QTMAN: variants seen among roughly 807,000 people sequenced by gnomAD.
QTMAN encodes the protein queuosine-tRNA mannosyltransferase.
At chr2:144,050,681 T>C in the QTMAN span, among the ~76,000 whole-genome samples, 1 of 152,204 alleles carries the variant, frequency 6.6e-6, no homozygotes, top group East Asian at 1.9e-4. Context: ...ACAGTTTACC[T>C]AATTCTTATA....
chr2:144,017,576 C>A, the QTMAN span, among the ~76,000 whole-genome samples: 6 of 152,126 alleles, frequency 3.9e-5, no homozygotes, highest in African/African-American at 1.2e-4. Context: ...AAATTAAGGG[C>A]TCTGTCACTT....
the QTMAN span, chr2:143,945,229 ACACC>A: frequency 6.6e-6 from 1 of 152,178 alleles, no homozygotes; most frequent in South Asian, 2.1e-4. Context: ...CCAAAGGAAC[ACACC>A]TGCTAGATTC....
chr2:144,031,670 A>G, the QTMAN span, among the ~76,000 whole-genome samples: 1 of 152,236 alleles, frequency 6.6e-6, no homozygotes, highest in Non-Finnish European at 1.5e-5. Context: ...AAGTCTGTAC[A>G]TCAAAGTTTG....
chr2:144,238,828 ACT>A, the QTMAN span, among the ~76,000 whole-genome samples: 7 of 152,116 alleles, frequency 4.6e-5, no homozygotes, highest in Non-Finnish European at 4.4e-5. Flanking sequence ...CTTAGCCATC[ACT>A]CTACCAAAAC....
the QTMAN span, among the ~76,000 whole-genome samples, chr2:144,124,703 T>C: frequency 1.3e-5 from 2 of 152,136 alleles, no homozygotes; most frequent in South Asian, 4.1e-4. Flanking sequence ...CTTGATTTAG[T>C]AACAGGTTTC....
At chr2:144,242,179 A>G in the QTMAN span, among the ~76,000 whole-genome samples, 2 of 152,350 alleles carry the variant, frequency 1.3e-5, no homozygotes, top group East Asian at 1.9e-4. Flanking sequence ...GAAGAGCTTA[A>G]CTTTAGTACA....
the QTMAN span, among the ~76,000 whole-genome samples, chr2:144,102,892 T>G: frequency 1.3e-5 from 2 of 152,190 alleles, no homozygotes; most frequent in African/African-American, 4.8e-5. Flanking sequence ...CACAGCTTAT[T>G]TGGCAAAAGA....
chr2:144,148,133 C>G, the QTMAN span, among the ~76,000 whole-genome samples: 1 of 151,738 alleles, frequency 6.6e-6, no homozygotes, highest in African/African-American at 2.4e-5. Flanking sequence ...TTTTATCAAT[C>G]TTTAATTTCT....
At chr2:144,162,369 T>A in the QTMAN span, among the ~76,000 whole-genome samples, 3 of 152,074 alleles carry the variant, frequency 2.0e-5, no homozygotes, top group Non-Finnish European at 4.4e-5. Flanking sequence ...CTGGTTAAAT[T>A]CAATGAATAA....
At chr2:144,186,589 A>T in the QTMAN span, among the ~76,000 whole-genome samples, 1 of 152,204 alleles carries the variant, frequency 6.6e-6, no homozygotes, top group Non-Finnish European at 1.5e-5. Context: ...CAACAGTCCC[A>T]CTGTCACACT....
the QTMAN span, among the ~76,000 whole-genome samples, chr2:144,000,528 G>T: frequency 6.6e-6 from 1 of 151,918 alleles, no homozygotes; most frequent in African/African-American, 2.4e-5. Context: ...ACACAGAACT[G>T]GTTGAATGAT....
At chr2:144,126,778 C>T in the QTMAN span, among the ~76,000 whole-genome samples, 7 of 151,786 alleles carry the variant, frequency 4.6e-5, no homozygotes, top group African/African-American at 1.7e-4. Context: ...ACAACTAGAC[C>T]CCAAAGGCAT....
the QTMAN span, among the ~76,000 whole-genome samples, chr2:144,185,357 T>C: frequency 1.3e-5 from 2 of 152,166 alleles, no homozygotes; most frequent in East Asian, 1.9e-4. Flanking sequence ...AGTCATCTAC[T>C]GTGGGTCTGC....
chr2:144,035,020 G>A, the QTMAN span, among the ~76,000 whole-genome samples: 9 of 152,248 alleles, frequency 5.9e-5, no homozygotes, highest in East Asian at 7.7e-4. Flanking sequence ...ATTTGTCCCC[G>A]CCCAAATCTC....
the QTMAN span, among the ~76,000 whole-genome samples, chr2:144,123,978 C>G: frequency 6.6e-6 from 1 of 152,048 alleles, no homozygotes; most frequent in Non-Finnish European, 1.5e-5. Flanking sequence ...TCCCTCTAAA[C>G]AAACTAAAAC....
At chr2:144,226,137 G>T in the QTMAN span, among the ~76,000 whole-genome samples, 1 of 152,108 alleles carries the variant, frequency 6.6e-6, no homozygotes, top group Non-Finnish European at 1.5e-5. Context: ...CTAAATCATG[G>T]TCAATATCAT....
the QTMAN span, among the ~76,000 whole-genome samples, chr2:144,030,000 G>A: frequency 9.9e-5 from 15 of 152,262 alleles, no homozygotes; most frequent in African/African-American, 3.6e-4. Context: ...AGAGATTCAT[G>A]ACATCTCTAT....
the QTMAN span, among the ~76,000 whole-genome samples, chr2:144,067,817 C>A: frequency 6.6e-6 from 1 of 152,174 alleles, no homozygotes; most frequent in African/African-American, 2.4e-5. Context: ...AAGCACATGC[C>A]ACACGTTAGT....
chr2:144,153,404 G>T, the QTMAN span, among the ~76,000 whole-genome samples: 2 of 152,098 alleles, frequency 1.3e-5, no homozygotes, highest in African/African-American at 4.8e-5. Flanking sequence ...ACCAAATACA[G>T]AAGATATAAA....
Sources: allele counts gnomAD v4.1 joint callset (sites outside exome capture counted in the v4.1 genomes callset), GRCh38; gene constraint gnomAD v4.1.1; transcripts MANE v1.5; gene names NCBI Gene and HGNC (gene_info 2026-07-23, HGNC 2026-07-21).